Variants in PSMB2 observed in about 807,000 individuals in gnomAD.
PSMB2 encodes proteasome subunit beta type-2.
PSMB2 carries 13 observed loss-of-function variants against 25.7 expected under a neutral mutation model. That is an observed-to-expected ratio of 0.51 (90% CI 0.33 to 0.80). The LOEUF is 0.80. Among genes scored for constraint, PSMB2 ranks in the 30% least tolerant of loss-of-function variants. PSMB2 has a pLI of 0.02. For missense variants in PSMB2, 202 were observed against 259.0 expected (o/e 0.78, Z 1.51); for synonymous variants, 87 against 96.2 (o/e 0.90, Z 0.56).
rs759647957 is a variant in PSMB2, at chr1:35,603,302, G to A, written c.571C>T (p.Leu191=). The A allele has an allele frequency of 2.5e-6, 4 of 1,614,120 alleles. No homozygotes were observed. The highest frequency in any genetic ancestry group is 3.4e-6 in the Non-Finnish European group (4 of 1,179,964). Residue 191 remains leucine (L), a synonymous_variant, in exon 6 of 6, where the codon CTG becomes TTG. Coordinates refer to ENST00000373237, the MANE Select transcript of PSMB2 (RefSeq NM_002794.5). Reference sequence around the variant, plus strand: ...TGTTTGGGGAAGGAAATGTTATCCAGGTCATGGATGCCATTTTTGTCAATG... The same window carrying A: ...TGTTTGGGGAAGGAAATGTTATCCAAGTCATGGATGCCATTTTTGTCAATG... The part of the protein sequence containing the change: ...RIIDKNGIHD[L]DNISFPKQGS
chr1:35,641,272 A>G, intron 1 of PSMB2, 70 bp downstream of exon 1: 1 of 1,584,278 alleles, frequency 6.3e-7, no homozygotes, highest in Admixed American at 1.8e-5. Flanking sequence ...TACTTATTCA[A>G]CCCCCGACAA....
At chr1:35,635,569 G>T (rs1035278396) in intron 2 of PSMB2, among the ~76,000 whole-genome samples, 2 of 151,734 alleles carry the variant, frequency 1.3e-5, no homozygotes, top group South Asian at 4.2e-4. Context: ...GGTGGCTCAC[G>T]CCTGTAATCC....
At position 35,609,413 on chromosome 1, in the gene PSMB2, A is replaced by C. The variant is rs150693787; in HGVS notation, c.286-5T>G. On this transcript the variant is annotated splice_region_variant and splice_polypyrimidine_tract_variant and intron_variant, in intron 3 of 5. Transcript: ENST00000373237. ...GAGGTTCACATGATATGGGGTCTGC[A>C]AAGAAAAGATATGGCAAAGTGATAA... 2.7e-6 allele frequency: 4 copies of C among 1,506,648 alleles called. No homozygotes were observed. In the East Asian group the frequency reaches 7.6e-5, roughly 29 times the overall value. The allele number at this position is 1,506,648 out of a possible 1,614,324, so 93.3% of individuals were successfully genotyped here. A position where few individuals can be genotyped will look rare whatever the true frequency, so the allele number is the denominator to read the frequency against.
At chr1:35,632,960 G>C (rs532842295) in intron 2 of PSMB2, among the ~76,000 whole-genome samples, 1 of 152,166 alleles carries the variant, frequency 6.6e-6, no homozygotes, top group South Asian at 2.1e-4. Context: ...GCTCACACCT[G>C]TAATCCCAGA....
intron 3 of PSMB2, among the ~76,000 whole-genome samples, chr1:35,628,578 GAAAAAAAA>G (rs67766222): frequency 3.0e-5 from 1 of 32,964 alleles, no homozygotes; most frequent in Non-Finnish European, 5.2e-5. Context: ...TTTCTTGGAA[GAAAAAAAA>G]AAAAAAAAAA....
Position 35,601,883 on chromosome 1 carries a change from T to C in PSMB2, c.*1384A>G, listed in dbSNP as rs2148559506. ...ACATCCACATTGTTCCCTAAAGTTA[T>C]GCTAAGAGTAAAACGAGTAACTGGT... On this transcript the variant is annotated 3_prime_UTR_variant, in exon 6 of 6. Transcript: ENST00000373237. 1.0e-6 allele frequency: 1 copy of C among 985,474 alleles called. No homozygotes were observed. Among genetic ancestry groups the C allele is most frequent in the Non-Finnish European group, 1.2e-6 (1 of 829,930 alleles). 61.0% of individuals were successfully genotyped at this position (985,474 alleles called of 1,614,324 possible).
intron 3 of PSMB2, among the ~76,000 whole-genome samples, chr1:35,628,615 ATATATATATATATATATTTTTTT>A (rs1650976264): frequency 2.0e-5 from 1 of 48,986 alleles, no homozygotes; most frequent in Non-Finnish European, 3.6e-5. Flanking sequence ...ATATATATAT[ATATATATATATATATATTTTTTT>A]TTTTTTTTTT....
At chr1:35,635,982 G>C (rs1223902751) in intron 2 of PSMB2, among the ~76,000 whole-genome samples, 1 of 152,008 alleles carries the variant, frequency 6.6e-6, no homozygotes, top group African/African-American at 2.4e-5. Context: ...TAGTACTTTA[G>C]TATGTGACTG....
At chr1:35,616,929 C>T (rs918038116) in intron 3 of PSMB2, among the ~76,000 whole-genome samples, 4 of 152,198 alleles carry the variant, frequency 2.6e-5, no homozygotes, top group Non-Finnish European at 5.9e-5. Flanking sequence ...CTAAAAAAAT[C>T]TCAAAGATTT....
rs1458023339 is a variant in PSMB2, at chr1:35,631,332, G to T, written c.227C>A (p.Ser76Tyr). 14 of 1,614,010 alleles carry T rather than the reference G, an allele frequency of 8.7e-6. No homozygotes were observed. Among genetic ancestry groups the T allele is most frequent in the Middle Eastern group, 3.3e-4 (2 of 6,084 alleles). The change falls in exon 3 of 6, where the codon TCT becomes TAT. Residue 76 changes from serine to tyrosine, a missense_variant. By Grantham distance (144) the Ser-to-Tyr change is moderately radical. Transcript: ENST00000373237. ...TGTGAAGTTAGCTGCTGCCGTGGGA[G>T]ACAATTCATATCCTGGTAGAAGAGA... Reference protein sequence around the residue: ...LYKMRNGYELSPTAAANFTRR... With the variant: ...LYKMRNGYELYPTAAANFTRR...
chr1:35,637,622 A>G (rs963576631), intron 1 of PSMB2, among the ~76,000 whole-genome samples: 4 of 152,214 alleles, frequency 2.6e-5, no homozygotes, highest in African/African-American at 7.2e-5. Flanking sequence ...AAATGCCAAA[A>G]TCCTTTAATA....
Position 35,609,406 on chromosome 1 carries a change from G to A in PSMB2, c.288C>T (p.Thr96=), listed in dbSNP as rs1360079783. The stretch of plus-strand genomic sequence containing the variant: ...CCAGGAGGAGGTTCACATGATATGG[G>A]GTCTGCAAAGAAAAGATATGGCAAA... ...RNLADCLRSR[T]PYHVNLLLAG... Residue 96 remains threonine, a splice_region_variant and synonymous_variant, in exon 4 of 6, where the codon ACC becomes ACT. Transcript: ENST00000373237. 1.3e-6 allele frequency: 2 copies of A among 1,520,574 alleles called. No homozygotes were observed. Among genetic ancestry groups the A allele is most frequent in the South Asian group, 1.3e-5 (1 of 78,598 alleles). The allele number at this position is 1,520,574 out of a possible 1,614,324, so 94.2% of individuals were successfully genotyped here. A position where few individuals can be genotyped will look rare whatever the true frequency, so the allele number is the denominator to read the frequency against.
chr1:35,613,062 T>G (rs1299957021), intron 3 of PSMB2, among the ~76,000 whole-genome samples: 1 of 152,236 alleles, frequency 6.6e-6, no homozygotes, highest in Admixed American at 6.5e-5. Context: ...AAGTTGGTAT[T>G]CAGAAGCTAC....
chr1:35,615,034 T>C (rs1429316263), intron 3 of PSMB2, among the ~76,000 whole-genome samples: 1 of 152,224 alleles, frequency 6.6e-6, no homozygotes, highest in Admixed American at 6.5e-5. Context: ...GATAAATACA[T>C]GTAAAGTGCT....
chr1:35,641,189 C>G (rs927586144), intron 1 of PSMB2, among the ~76,000 whole-genome samples, 153 bp downstream of exon 1: 2 of 151,902 alleles, frequency 1.3e-5, no homozygotes, highest in Non-Finnish European at 2.9e-5. Context: ...AAACCCCTCT[C>G]GAAAAAATAA....
At chr1:35,638,265 G>T (rs1177243177) in intron 1 of PSMB2, among the ~76,000 whole-genome samples, 1 of 152,170 alleles carries the variant, frequency 6.6e-6, no homozygotes, top group Non-Finnish European at 1.5e-5. Context: ...CCCCTGAGTT[G>T]TACAGGAAAC....
At chr1:35,608,140 G>C (rs1234997712) in intron 4 of PSMB2, among the ~76,000 whole-genome samples, 1 of 152,188 alleles carries the variant, frequency 6.6e-6, no homozygotes, top group African/African-American at 2.4e-5. Flanking sequence ...CAAGGCGGGT[G>C]GATCACTTGA....
chr1:35,617,183 G>A (rs1270626175), intron 3 of PSMB2, among the ~76,000 whole-genome samples: 1 of 152,146 alleles, frequency 6.6e-6, no homozygotes, highest in Non-Finnish European at 1.5e-5. Flanking sequence ...GGAGTAGCTG[G>A]TATAACAGGC....
At chr1:35,608,623 A>G (rs1239075451) in intron 4 of PSMB2, among the ~76,000 whole-genome samples, 3 of 152,238 alleles carry the variant, frequency 2.0e-5, no homozygotes, top group Non-Finnish European at 4.4e-5. Flanking sequence ...CAATTAAAAA[A>G]TAAAATTTTA....
Sources: allele counts gnomAD v4.1 joint callset (sites outside exome capture counted in the v4.1 genomes callset), GRCh38; gene constraint gnomAD v4.1.1; transcripts MANE v1.5; gene names NCBI Gene and HGNC (gene_info 2026-07-23, HGNC 2026-07-21).